Variants in GPHN observed in about 807,000 individuals in gnomAD.
GPHN encodes the protein gephyrin.
Under a neutral mutation model 95.5 loss-of-function variants are expected in GPHN, and 17 were observed. That is an observed-to-expected ratio of 0.18 (90% confidence interval 0.12 to 0.27). The LOEUF (loss-of-function observed/expected upper bound fraction) is 0.27, where lower values mean the gene tolerates loss of function less well. Among genes scored for constraint, GPHN ranks in the 10% least tolerant of loss-of-function variants. GPHN has a pLI of 1.00. For missense variants in GPHN, 660 were observed against 978.1 expected (o/e 0.67, Z 4.34); for synonymous variants, 320 against 322.5 (o/e 0.99, Z 0.08).
chr14:66,725,629 G>T (rs945221512), intron 2 of GPHN, among the ~76,000 whole-genome samples: 3 of 152,202 alleles, frequency 2.0e-5, no homozygotes, highest in South Asian at 4.2e-4. Context: ...GATTACAGGT[G>T]CACGCCACCA....
chr14:67,471,137 C>T, the GPHN span: 1 of 152,246 alleles, frequency 6.6e-6, no homozygotes, highest in Non-Finnish European at 1.5e-5. Context: ...TGTTGCCAGG[C>T]ACACAGGCAT....
the GPHN span, chr14:67,225,385 A>G: frequency 1.7e-6 from 1 of 591,240 alleles, no homozygotes; most frequent in Non-Finnish European, 2.6e-6. Context: ...TAGTAACAAT[A>G]TAAGTGGAAT....
At chr14:66,701,954 C>A (rs1043980205) in intron 2 of GPHN, among the ~76,000 whole-genome samples, 1 of 152,204 alleles carries the variant, frequency 6.6e-6, no homozygotes, top group Non-Finnish European at 1.5e-5. Context: ...TTCTCCCCTC[C>A]TGGAGCCAGG....
intron 13 of GPHN, among the ~76,000 whole-genome samples, chr14:67,103,511 C>CTTTT: frequency 3.4e-4 from 18 of 53,392 alleles, no homozygotes; most frequent in Non-Finnish European, 4.8e-4. Flanking sequence ...GTTTCTTTCT[C>CTTTT]TTTTTTTTTT....
chr14:66,734,409 G>A (rs547547081), intron 2 of GPHN, among the ~76,000 whole-genome samples: 1 of 152,134 alleles, frequency 6.6e-6, no homozygotes, highest in African/African-American at 2.4e-5. Flanking sequence ...AGTTTTTGCT[G>A]TCCTGTACCT....
chr14:67,058,971 A>T (rs990627693), intron 11 of GPHN, 185 bp downstream of exon 11: 12 of 583,536 alleles, frequency 2.1e-5, no homozygotes, highest in Non-Finnish European at 3.3e-5. Flanking sequence ...CCTTAACAGT[A>T]TACAGAGTAA....
chr14:67,568,691 T>C, the GPHN span, among the ~76,000 whole-genome samples: 2 of 152,176 alleles, frequency 1.3e-5, no homozygotes, highest in Admixed American at 6.5e-5. Context: ...AAAAGAGCCC[T>C]TGTCGTGTGG....
At chr14:67,101,654 A>G (rs2077702337) in intron 13 of GPHN, among the ~76,000 whole-genome samples, 1 of 151,568 alleles carries the variant, frequency 6.6e-6, no homozygotes, top group South Asian at 2.1e-4. Flanking sequence ...CAAAGTAGAA[A>G]AAAACTGAAG....
At chr14:66,773,055 T>G (rs2059240409) in intron 2 of GPHN, among the ~76,000 whole-genome samples, 1 of 152,172 alleles carries the variant, frequency 6.6e-6, no homozygotes, top group Non-Finnish European at 1.5e-5. Context: ...ACCATTTGGC[T>G]CAGTAGCCTA....
chr14:66,724,091 A>G (rs2071006183), intron 2 of GPHN, among the ~76,000 whole-genome samples: 1 of 152,090 alleles, frequency 6.6e-6, no homozygotes, highest in African/African-American at 2.4e-5. Flanking sequence ...AAACATAGTA[A>G]TGTGAACTCA....
At chr14:67,041,035 A>G (rs950082347) in intron 10 of GPHN, among the ~76,000 whole-genome samples, 1 of 152,082 alleles carries the variant, frequency 6.6e-6, no homozygotes, top group Admixed American at 6.6e-5. Flanking sequence ...CCCTAAACCA[A>G]TTATTACTAG....
chr14:67,691,598 A>G, the GPHN span: 1 of 197,002 alleles, frequency 5.1e-6, no homozygotes, highest in African/African-American at 2.3e-5. Flanking sequence ...AATGTTCTCT[A>G]TGTACCTCTG....
intron 10 of GPHN, among the ~76,000 whole-genome samples, chr14:67,050,746 G>A (rs1445740468): frequency 2.0e-5 from 3 of 151,722 alleles, no homozygotes; most frequent in Admixed American, 6.6e-5. Flanking sequence ...TGAAAACAGC[G>A]AGTAAATCCT....
rs114440735 is a variant in GPHN at position 66,909,992 on chromosome 14, A to G, written c.390-6011A>G. 6.3e-3 allele frequency among the ~76,000 whole-genome samples: 960 copies of G among 152,060 alleles called. 12 individuals are homozygous for G. The highest frequency in any genetic ancestry group is 0.022 in the African/African-American group (908 of 41,530). On this transcript the variant is annotated intron_variant, in intron 5 of 22. Coordinates refer to ENST00000478722, the MANE Select transcript of GPHN (RefSeq NM_020806.5). ...TTACTGTTTATTTCATGATGTAGAG[A>G]TTGTAACTGTAACAGTTTCTGAGCA...
chr14:67,175,834 G>T (rs532350455), intron 21 of GPHN, among the ~76,000 whole-genome samples: 45 of 152,198 alleles, frequency 3.0e-4, no homozygotes, highest in Non-Finnish European at 4.9e-4. Context: ...TATTCTATTT[G>T]TATCAATTGT....
chr14:66,877,952 T>C (rs2063745339), intron 4 of GPHN, among the ~76,000 whole-genome samples: 1 of 152,136 alleles, frequency 6.6e-6, no homozygotes, highest in Non-Finnish European at 1.5e-5. Flanking sequence ...GCTGGAGGCA[T>C]CACACTACCT....
intron 9 of GPHN, among the ~76,000 whole-genome samples, chr14:66,986,590 A>T (rs928618394): frequency 6.6e-6 from 1 of 152,158 alleles, no homozygotes; most frequent in African/African-American, 2.4e-5. Context: ...CCTTAAATGC[A>T]AGTTAGAAAA....
At chr14:67,217,646 T>G in the GPHN span, among the ~76,000 whole-genome samples, 4 of 152,208 alleles carry the variant, frequency 2.6e-5, no homozygotes, top group African/African-American at 9.6e-5. Context: ...TTTCTATATA[T>G]AAGTCCCTTG....
the GPHN span, chr14:67,201,599 C>A: frequency 6.6e-6 from 3 of 452,418 alleles, no homozygotes; most frequent in East Asian, 1.4e-4. Context: ...CTGCTGAAAC[C>A]AGTCACTGGC....
Sources: allele counts gnomAD v4.1 joint callset (sites outside exome capture counted in the v4.1 genomes callset), GRCh38; gene constraint gnomAD v4.1.1; transcripts MANE v1.5; gene names NCBI Gene and HGNC (gene_info 2026-07-23, HGNC 2026-07-21).